The following GATA6 variants were observed in gnomAD, a reference collection of about 807,000 sequenced individuals.
GATA6 encodes the protein transcription factor GATA-6.
Under a neutral mutation model 48.1 loss-of-function variants are expected in GATA6, and 11 were observed. The ratio of observed to expected loss-of-function variants is 0.23; its 90% confidence interval spans 0.14 to 0.38. The LOEUF (loss-of-function observed/expected upper bound fraction) is 0.38, where lower values mean the gene tolerates loss of function less well. Ranked by LOEUF, GATA6 falls within the 10% of genes least tolerant of loss-of-function variation. The pLI, the probability that GATA6 is intolerant of heterozygous loss-of-function variation, is 1.00. For missense variants in GATA6, 795 were observed against 850.3 expected, an observed-to-expected ratio of 0.93 and a Z score of 0.81; for synonymous variants, 419 against 396.1, an observed-to-expected ratio of 1.06 and a Z score of -0.69.
intron 6 of GATA6, among the ~76,000 whole-genome samples, chr18:22,189,214 C>G (rs2033298688): frequency 6.6e-6 from 1 of 152,142 alleles, no homozygotes; most frequent in African/African-American, 2.4e-5. Flanking sequence ...GTTAAGCACC[C>G]ATAAGTGCTT....
chr18:22,178,609 G>A (rs923076515), intron 3 of GATA6, among the ~76,000 whole-genome samples: 7 of 152,174 alleles, frequency 4.6e-5, no homozygotes, highest in Admixed American at 2.0e-4. Flanking sequence ...TTAAAGAGAA[G>A]CAATTAGTTT....
At position 22,172,098 on chromosome 18, in the gene GATA6, G is replaced by T; in HGVS notation, c.954G>T (p.Pro318=). 6.8e-7 allele frequency: 1 copy of T among 1,472,532 alleles called. No individual in the cohort carries two copies. The highest frequency in any genetic ancestry group is 1.3e-5 in the South Asian group (1 of 74,260). 91.2% of individuals were successfully genotyped at this position (1,472,532 alleles called of 1,614,324 possible). The change falls in exon 2 of 7, where the codon CCG becomes CCT. Residue 318 remains proline, a synonymous_variant. Transcript: ENST00000269216. This position sits in a 1 kb window ranked among gnomAD's most constrained non-coding sequence, Gnocchi z 5.2. ...PQYSSLSAAR[P]LNGTYHHHHH... ...ACAGCTCGCTGTCGGCCGCGCGGCCGCTGAACGGGACGTACCACCACCACC... is the reference window on the plus strand; with the variant it reads ...ACAGCTCGCTGTCGGCCGCGCGGCCTCTGAACGGGACGTACCACCACCACC...
At chr18:22,188,981 C>A (rs1447821067) in intron 6 of GATA6, among the ~76,000 whole-genome samples, 1 of 152,138 alleles carries the variant, frequency 6.6e-6, no homozygotes, top group Non-Finnish European at 1.5e-5. Context: ...TATATAACTT[C>A]CACAAAGAGA....
Position 22,181,530 on chromosome 18 carries a change from G to A in GATA6, c.1380G>A (p.Glu460=), listed in dbSNP as rs2143300898. The change falls in exon 4 of 7, where the codon GAG becomes GAA. Residue 460 remains glutamate (E), a synonymous_variant. Coordinates refer to ENST00000269216, the MANE Select transcript of GATA6 (RefSeq NM_005257.6). ...TTTTLWRRNA[E]GEPVCNACGL... is the part of the protein sequence containing the mutation. ...CCACCTTATGGCGCAGAAACGCCGA[G>A]GGTGAACCCGTGTGCAATGCTTGTG... 6.2e-7 allele frequency: 1 copy of A among 1,614,184 alleles called. No homozygotes were observed. The highest frequency in any genetic ancestry group is 1.3e-5 in the African/African-American group (1 of 75,048).
chr18:22,197,334 G>T (rs1199203106), intron 6 of GATA6, among the ~76,000 whole-genome samples: 1 of 152,120 alleles, frequency 6.6e-6, no homozygotes, highest in Non-Finnish European at 1.5e-5. Context: ...TTGCAGGCGT[G>T]GGCCACCGCG....
At chr18:22,181,347 CAG>C (rs2033192847) in intron 3 of GATA6, 104 bp from the exon 4 acceptor site, 1 of 1,305,812 alleles carries the variant, frequency 7.7e-7, no homozygotes, top group South Asian at 1.2e-5. Context: ...TATAATAAAA[CAG>C]ATACATACTT....
rs368858287 is a variant in GATA6 at position 22,200,684 on chromosome 18, G to C, written c.1649G>C (p.Gly550Ala). Residue 550 changes from glycine (G) to alanine (A), a missense_variant, in exon 7 of 7, where the codon GGA becomes GCA. Coordinates refer to ENST00000269216, the MANE Select transcript of GATA6 (RefSeq NM_005257.6). ...GGTGCCCCGGTGATGACTGGTGCGGGAGAGAGCACCAATCCCGAGAACAGC... is the reference window on the plus strand; with the variant it reads ...GGTGCCCCGGTGATGACTGGTGCGGCAGAGAGCACCAATCCCGAGAACAGC... ...GAGAPVMTGAGESTNPENSEL... is the reference protein window; with the variant it reads ...GAGAPVMTGAAESTNPENSEL... 23 of 1,614,128 alleles carry C rather than the reference G, an allele frequency of 1.4e-5. No homozygotes were observed. Among genetic ancestry groups the C allele is most frequent in the East Asian group, 2.2e-5 (1 of 44,886 alleles).
chr18:22,187,972 C>CA (rs2033283861), intron 6 of GATA6, among the ~76,000 whole-genome samples: 2 of 152,020 alleles, frequency 1.3e-5, no homozygotes, highest in South Asian at 4.2e-4. Flanking sequence ...TGCAGTGGCT[C>CA]ACGCCTGTAA....
At chr18:22,187,751 T>C (rs961679238) in intron 6 of GATA6, among the ~76,000 whole-genome samples, 1 of 152,118 alleles carries the variant, frequency 6.6e-6, no homozygotes, top group African/African-American at 2.4e-5. Context: ...CCCCAAATTT[T>C]ATAGATAAAA....
chr18:22,200,943 T>C lies in GATA6; in HGVS notation c.*120T>C. The C allele has an allele frequency of 1.8e-6, 2 of 1,105,810 alleles. No homozygotes were observed. The highest frequency in any genetic ancestry group is 1.3e-6 in the Non-Finnish European group (1 of 781,020). The allele number at this position is 1,105,810 out of a possible 1,614,324, so 68.5% of individuals were successfully genotyped here. On this transcript the variant is annotated 3_prime_UTR_variant, in exon 7 of 7. Transcript: ENST00000269216. ...TGACAGAACGTGATTCTCGTGCCTT[T>C]ATTTTGAAAGAGATGTTTTTCCCAA...
Position 22,172,683 on chromosome 18 carries a change from G to A in GATA6, c.1135+404G>A, listed in dbSNP as rs144587415. ...GTGAGTGGAAGAAATTCCACGATGG[G>A]AGTAAGTTTGGGAGAGTGGCGGGCA... is the stretch of plus-strand genomic sequence containing the variant. On this transcript the variant is annotated intron_variant, in intron 2 of 6. Transcript: ENST00000269216. This position sits in a 1 kb window ranked among gnomAD's most constrained non-coding sequence, Gnocchi z 5.2. 7.1e-4 allele frequency among the ~76,000 whole-genome samples: 108 copies of A among 152,302 alleles called. No individual in the cohort carries two copies. Among genetic ancestry groups the A allele is most frequent in the African/African-American group, 2.5e-3 (103 of 41,568 alleles).
chr18:22,194,579 A>T (rs888983000), intron 6 of GATA6, among the ~76,000 whole-genome samples: 2 of 152,184 alleles, frequency 1.3e-5, no homozygotes, highest in African/African-American at 4.8e-5. Context: ...TGCGATCTGA[A>T]CTAAAGTCCT....
chr18:22,189,103 G>A (rs1301740502), intron 6 of GATA6, among the ~76,000 whole-genome samples: 1 of 152,128 alleles, frequency 6.6e-6, no homozygotes, highest in African/African-American at 2.4e-5. Context: ...GTAAATAGGC[G>A]TCATCGTTCC....
intron 6 of GATA6, among the ~76,000 whole-genome samples, chr18:22,200,083 GT>G (rs1003325171): frequency 6.6e-6 from 1 of 152,080 alleles, no homozygotes; most frequent in African/African-American, 2.4e-5. Context: ...TGAAGTCAAT[GT>G]TCAAAAATTT....
Position 22,171,114 on chromosome 18 carries a change from GA to G in GATA6, c.-30del. The stretch of plus-strand genomic sequence containing the variant: ...CTCCCCCACCCCACCTCAGGAGCTA[GA>G]CGTCAGCTTGGAGCGGCGCCGGACC... On this transcript the variant is annotated 5_prime_UTR_variant, in exon 2 of 7. Coordinates refer to ENST00000269216, the MANE Select transcript of GATA6 (RefSeq NM_005257.6). This position sits in a 1 kb window ranked among gnomAD's most constrained non-coding sequence, Gnocchi z 7.1. The G allele has an allele frequency of 1.3e-6, 2 of 1,591,720 alleles. No homozygotes were observed. Among genetic ancestry groups the G allele is most frequent in the Non-Finnish European group, 1.7e-6 (2 of 1,173,364 alleles).
rs768797991 is a variant in GATA6 at position 22,172,276 on chromosome 18, G to T, written c.1132G>T (p.Ala378Ser). The change falls in exon 2 of 7, where the codon GCA becomes TCA. Residue 378 changes from alanine to serine, a missense_variant. Transcript: ENST00000269216. This position sits in a 1 kb window ranked among gnomAD's most constrained non-coding sequence, Gnocchi z 5.2. ...GCTCCCGGTGCCCCGGGGTCCCAGT[G>T]CAGGTAAGGGTCGCGCCTCAGGTTC... ...APLPVPRGPSADLLEDLSESR... is the reference protein window; with the variant it reads ...APLPVPRGPSSDLLEDLSESR... 6.5e-7 allele frequency: 1 copy of T among 1,532,844 alleles called. No individual in the cohort carries two copies. Among genetic ancestry groups the T allele is most frequent in the South Asian group, 1.2e-5 (1 of 83,906 alleles). The allele number at this position is 1,532,844 out of a possible 1,614,324, so 95.0% of individuals were successfully genotyped here. A position where few individuals can be genotyped will look rare whatever the true frequency, so the allele number is the denominator to read the frequency against.
intron 6 of GATA6, among the ~76,000 whole-genome samples, chr18:22,187,851 AAG>A (rs2033282188): frequency 6.6e-6 from 1 of 150,834 alleles, no homozygotes. Context: ...TACAGAAAAA[AAG>A]AAAAAAAAAT....
intron 6 of GATA6, among the ~76,000 whole-genome samples, chr18:22,192,646 T>C (rs1033600564): frequency 6.6e-6 from 1 of 152,206 alleles, no homozygotes; most frequent in African/African-American, 2.4e-5. Context: ...AGTTTTGTTA[T>C]AAAAATTAAG....
chr18:22,199,228 C>T (rs2033427264), intron 6 of GATA6, among the ~76,000 whole-genome samples: 1 of 152,104 alleles, frequency 6.6e-6, no homozygotes, highest in African/African-American at 2.4e-5. Context: ...TTCTGTTCCG[C>T]CTGTGTCTGG....
Sources: gnomAD v4.1 joint callset for allele counts (sites outside exome capture counted in the v4.1 genomes callset) on GRCh38, gnomAD v4.1.1 for gene constraint, Gnocchi (gnomAD v3.1) non-coding constraint, MANE v1.5 for transcripts, NCBI Gene and HGNC (gene_info 2026-07-23, HGNC 2026-07-21) for gene names.